MYOF: variants seen among roughly 807,000 people sequenced by gnomAD.
MYOF encodes myoferlin.
MYOF carries 244 observed loss-of-function variants against 284.2 expected under a neutral mutation model. That is an observed-to-expected ratio of 0.86 (90% CI 0.77 to 0.95). The LOEUF (loss-of-function observed/expected upper bound fraction) is 0.95. Among genes scored for constraint, MYOF ranks in the 40% least tolerant of loss-of-function variants. The probability of loss-of-function intolerance (pLI) is 0.00; values close to 1 mark genes in which losing one functional copy is unlikely to be tolerated. For synonymous variants in MYOF, 904 were observed against 919.7 expected, an observed-to-expected ratio of 0.98 and a Z score of 0.31; for missense variants, 2,496 against 2,560.6, an observed-to-expected ratio of 0.97 and a Z score of 0.54.
At chr10:93,401,106 T>TG (rs1751982832) in intron 12 of MYOF, among the ~76,000 whole-genome samples, 1 of 152,090 alleles carries the variant, frequency 6.6e-6, no homozygotes, top group South Asian at 2.1e-4. Flanking sequence ...TAAAAGGGGT[T>TG]GGAAGTGCTG....
At position 93,347,745 on chromosome 10, in the gene MYOF, A is replaced by G. The variant is rs1392254827; in HGVS notation, c.4121T>C (p.Val1374Ala). 2 of 1,614,040 alleles carry G rather than the reference A, an allele frequency of 1.2e-6. No individual in the cohort carries two copies. The highest frequency in any genetic ancestry group is 1.7e-5 in the Admixed American group (1 of 60,006). ...CTGCCTGTGGTCGATGACCTTGATC[A>G]CCAGTGGGGGCATGTACAATTCCTC... is the stretch of plus-strand genomic sequence containing the variant. ...PKEELYMPPL[V>A]IKVIDHRQFG... Residue 1374 changes from valine (V) to alanine (A), a missense_variant, in exon 37 of 54, where the codon GTG becomes GCG. Coordinates refer to ENST00000359263, the MANE Select transcript of MYOF (RefSeq NM_013451.4).
At chr10:93,369,258 G>GGT (rs553940736) in intron 25 of MYOF, among the ~76,000 whole-genome samples, 8,503 of 113,296 alleles carry the variant, frequency 0.075, 346 homozygotes, top group Middle Eastern at 0.12. Context: ...CTCCTGGGTT[G>GGT]GTGTGTGTGT....
Position 93,369,681 on chromosome 10 carries a change from G to T in MYOF, c.2553C>A (p.Ser851Arg), listed in dbSNP as rs762516565. The change falls in exon 25 of 54, where the codon AGC becomes AGA. Residue 851 changes from serine to arginine, a missense_variant. Coordinates refer to ENST00000359263, the MANE Select transcript of MYOF (RefSeq NM_013451.4). Reference sequence around the variant, plus strand: ...AGACGGTGAAAGTTCCTTCTGCGAAGCTGTTAAACTTCTTCTCCACAGCAC... The same window carrying T: ...AGACGGTGAAAGTTCCTTCTGCGAATCTGTTAAACTTCTTCTCCACAGCAC... ...GLSAVEKKFN[S>R]FAEGTFTVFA... 6.2e-7 allele frequency: 1 copy of T among 1,614,200 alleles called. No homozygotes were observed. Among genetic ancestry groups the T allele is most frequent in the Non-Finnish European group, 8.5e-7 (1 of 1,180,022 alleles).
intron 5 of MYOF, among the ~76,000 whole-genome samples, chr10:93,421,073 C>T (rs1848337764): frequency 6.6e-6 from 1 of 152,072 alleles, no homozygotes; most frequent in Non-Finnish European, 1.5e-5. Context: ...AAAAAATTAG[C>T]CAGGCATGGT....
At chr10:93,455,351 A>C (rs1407925849) in intron 2 of MYOF, among the ~76,000 whole-genome samples, 1 of 152,132 alleles carries the variant, frequency 6.6e-6, no homozygotes, top group Non-Finnish European at 1.5e-5. Flanking sequence ...GGCATTAAAA[A>C]GTTTTTTGTT....
In MYOF at chr10:93,402,775, C is replaced by T. The variant is rs573147453; in HGVS notation, c.874+85G>A. The T allele has an allele frequency of 2.0e-4, 237 of 1,174,422 alleles. 1 individual carries two copies. The African/African-American group carries it at 2.9e-3, about 14-fold the overall frequency. The allele number at this position is 1,174,422 out of a possible 1,614,324, so 72.8% of individuals were successfully genotyped here. Reference sequence around the variant, plus strand: ...TTAACTTTAATTCTTTGATCCCCCCCAAATTGTCTTGATTCTTAGAATCAT... The same window carrying T: ...TTAACTTTAATTCTTTGATCCCCCCTAAATTGTCTTGATTCTTAGAATCAT... On this transcript the variant is annotated intron_variant, in intron 10 of 53. Transcript: ENST00000359263.
rs1844409210 is a variant in MYOF at position 93,349,682 on chromosome 10, A to G, written c.4083+126T>C. ...GGGGAAAAAGTCACTGACAAGCTGAATATAAGGCAGGGTTTTTCTATTTGT... is the reference window on the plus strand; with the variant it reads ...GGGGAAAAAGTCACTGACAAGCTGAGTATAAGGCAGGGTTTTTCTATTTGT... On this transcript the variant is annotated intron_variant, in intron 36 of 53. Transcript: ENST00000359263. 7 of 1,146,986 alleles carry G rather than the reference A, an allele frequency of 6.1e-6. No individual in the cohort carries two copies. In the East Asian group the frequency reaches 1.8e-4, roughly 29 times the overall value. 71.1% of individuals were successfully genotyped at this position (1,146,986 alleles called of 1,614,324 possible).
At chr10:93,310,388 T>A in intron 52 of MYOF, 146 bp downstream of exon 52, 1 of 987,296 alleles carries the variant, frequency 1.0e-6, no homozygotes, top group South Asian at 1.7e-5. Context: ...TGAAGCCAGA[T>A]CACCAACCTC....
chr10:93,403,651 C>T (rs547532231), intron 9 of MYOF, among the ~76,000 whole-genome samples: 2 of 152,336 alleles, frequency 1.3e-5, no homozygotes, highest in South Asian at 4.1e-4. Context: ...TTTGGCTTTC[C>T]TTTCACACTC....
At chr10:93,470,246 G>GAATC (rs2057111832) in intron 1 of MYOF, among the ~76,000 whole-genome samples, 1 of 20,140 alleles carries the variant, frequency 5.0e-5, no homozygotes, top group Admixed American at 9.3e-4. Context: ...AAAAAAGAAA[G>GAATC]AAACAAAGAA....
At position 93,334,826 on chromosome 10, in the gene MYOF, G is replaced by A. The variant is rs1397266810; in HGVS notation, c.4564-913C>T. Among the ~76,000 whole-genome samples, 3 of 152,162 alleles carry A rather than the reference G, an allele frequency of 2.0e-5. No homozygotes were observed. In the East Asian group the frequency reaches 5.8e-4, roughly 29 times the overall value. ...GTCTGGCACAGCGATGTTCAGTAGG[G>A]TTGGCTCTTGTGCCATATGTGATTG... On this transcript the variant is annotated intron_variant, in intron 41 of 53. Transcript: ENST00000359263.
Position 93,307,105 on chromosome 10 carries a change from ATTCT to A in MYOF, c.6148-108_6148-105del, listed in dbSNP as rs927245735. On this transcript the variant is annotated intron_variant, in intron 53 of 53. Coordinates refer to ENST00000359263, the MANE Select transcript of MYOF (RefSeq NM_013451.4). ...AAAAATTGACATTTTGAACCAGATG[ATTCT>A]TTCTTGTTGGGGAGTGTCCTGTGCA... is the stretch of plus-strand genomic sequence containing the variant. 5.5e-6 allele frequency: 6 copies of A among 1,096,124 alleles called. No homozygotes were observed. In the South Asian group the frequency reaches 5.5e-5, roughly 10 times the overall value. The allele number at this position is 1,096,124 out of a possible 1,614,324, so 67.9% of individuals were successfully genotyped here. A position where few individuals can be genotyped will look rare whatever the true frequency, so the allele number is the denominator to read the frequency against.
At chr10:93,464,239 C>A (rs1286429654) in intron 1 of MYOF, among the ~76,000 whole-genome samples, 1 of 152,174 alleles carries the variant, frequency 6.6e-6, no homozygotes, top group Non-Finnish European at 1.5e-5. Context: ...CTAGAGATTG[C>A]AACATCAACT....
At chr10:93,419,824 C>T (rs559573951) in intron 5 of MYOF, among the ~76,000 whole-genome samples, 57 of 152,276 alleles carry the variant, frequency 3.7e-4, no homozygotes, top group African/African-American at 1.2e-3. Flanking sequence ...TAAATATTTT[C>T]TGAACTGGAT....
intron 3 of MYOF, among the ~76,000 whole-genome samples, chr10:93,445,855 C>A (rs559404237): frequency 6.6e-6 from 1 of 152,318 alleles, no homozygotes; most frequent in Admixed American, 6.5e-5. Flanking sequence ...AACCCTTCCG[C>A]CCCAACCCTG....
chr10:93,478,294 G>A (rs146008881), intron 1 of MYOF: 4 of 241,114 alleles, frequency 1.7e-5, no homozygotes, highest in Middle Eastern at 4.6e-4. Context: ...CTGGCTGTCC[G>A]CATGGAACTT....
At chr10:93,477,979 A>G (rs1393573070) in intron 1 of MYOF, among the ~76,000 whole-genome samples, 2 of 152,320 alleles carry the variant, frequency 1.3e-5, no homozygotes, top group African/African-American at 4.8e-5. Flanking sequence ...AAGATCAAGA[A>G]GGATTCAAAT....
intron 5 of MYOF, among the ~76,000 whole-genome samples, chr10:93,415,542 TTCTA>T (rs1848081375): frequency 6.6e-6 from 1 of 152,214 alleles, no homozygotes; most frequent in Non-Finnish European, 1.5e-5. Flanking sequence ...CCAACACCCT[TTCTA>T]TCTTTCTCAT....
At chr10:93,413,627 G>C (rs1004447396) in intron 5 of MYOF, among the ~76,000 whole-genome samples, 1 of 152,222 alleles carries the variant, frequency 6.6e-6, no homozygotes, top group African/African-American at 2.4e-5. Context: ...ACAGGAAGCT[G>C]CTGGTTGTAT....
Sources: allele counts gnomAD v4.1 joint callset (sites outside exome capture counted in the v4.1 genomes callset), GRCh38; gene constraint gnomAD v4.1.1; transcripts MANE v1.5; gene names NCBI Gene and HGNC (gene_info 2026-07-23, HGNC 2026-07-21).